The following NELL2 variants were observed in gnomAD, a reference collection of about 807,000 sequenced individuals.
NELL2 encodes the protein neural EGFL like 2.
A neutral mutation model predicts 109.6 loss-of-function variants in NELL2; 41 were observed. That is an observed-to-expected ratio of 0.37 (90% CI 0.29 to 0.49). The LOEUF is 0.49. Among genes scored for constraint, NELL2 ranks in the 20% least tolerant of loss-of-function variants. The probability of loss-of-function intolerance (pLI) is 0.98; values close to 1 mark genes in which losing one functional copy is unlikely to be tolerated. For missense variants in NELL2, 900 were observed against 1,008.3 expected, an observed-to-expected ratio of 0.89 and a Z score of 1.45; for synonymous variants, 355 against 344.7, an observed-to-expected ratio of 1.03 and a Z score of -0.33.
At chr12:44,728,688 A>G (rs577866158) in intron 9 of NELL2, among the ~76,000 whole-genome samples, 3 of 152,300 alleles carry the variant, frequency 2.0e-5, no homozygotes, top group Admixed American at 1.3e-4. Flanking sequence ...CATTATAATC[A>G]AATTTTCAAA....
chr12:44,582,359 C>G (rs534725807), intron 15 of NELL2, among the ~76,000 whole-genome samples: 8 of 152,020 alleles, frequency 5.3e-5, no homozygotes, highest in South Asian at 4.2e-4. Context: ...TACATCTGAC[C>G]CAGGCCTGGG....
chr12:44,756,233 G>A (rs1276280052), intron 9 of NELL2, among the ~76,000 whole-genome samples: 1 of 152,010 alleles, frequency 6.6e-6, no homozygotes, highest in Non-Finnish European at 1.5e-5. Flanking sequence ...ATTATGCTCT[G>A]AATCCTATGC....
intron 15 of NELL2, among the ~76,000 whole-genome samples, chr12:44,562,579 C>A (rs1240749269): frequency 6.6e-6 from 1 of 152,220 alleles, no homozygotes; most frequent in Non-Finnish European, 1.5e-5. Flanking sequence ...CTCATCATCA[C>A]TGGTCATTAG....
chr12:44,702,690 G>A (rs1365938008), intron 12 of NELL2, among the ~76,000 whole-genome samples: 1 of 152,060 alleles, frequency 6.6e-6, no homozygotes, highest in Non-Finnish European at 1.5e-5. Flanking sequence ...AATGGGGAAG[G>A]GAAGCCATAT....
At chr12:44,562,849 T>G (rs1057458702) in intron 15 of NELL2, among the ~76,000 whole-genome samples, 2 of 152,194 alleles carry the variant, frequency 1.3e-5, no homozygotes, top group Non-Finnish European at 2.9e-5. Context: ...ATTATTCTAC[T>G]ATAAAGACAC....
rs1159134863 is a variant in NELL2, at chr12:44,824,713, CT to C, written c.185-8578del. Among the ~76,000 whole-genome samples, 411 of 132,534 alleles carry C rather than the reference CT, an allele frequency of 3.1e-3. 2 individuals carry two copies. Among genetic ancestry groups the C allele is most frequent in the African/African-American group, 9.4e-3 (334 of 35,646 alleles). 86.9% of individuals were successfully genotyped at this position (132,534 alleles called of 152,430 possible). A position where few individuals can be genotyped will look rare whatever the true frequency, so the allele number is the denominator to read the frequency against. The stretch of plus-strand genomic sequence containing the variant: ...TATTTATTTATTTTTATTTTATTTA[CT>C]TTTTTTTTTTTTTTGAGACAGAGTC... On this transcript the variant is annotated intron_variant, in intron 2 of 19. Transcript: ENST00000429094.
intron 15 of NELL2, among the ~76,000 whole-genome samples, chr12:44,590,838 G>A (rs1303923564): frequency 2.0e-5 from 3 of 151,694 alleles, no homozygotes; most frequent in African/African-American, 7.3e-5. Flanking sequence ...GAGACCACCT[G>A]CAGAATGGAA....
At chr12:44,667,897 C>T (rs769600404) in intron 12 of NELL2, among the ~76,000 whole-genome samples, 25 of 152,298 alleles carry the variant, frequency 1.6e-4, no homozygotes, top group Non-Finnish European at 3.1e-4. Context: ...CCCTCACAGG[C>T]CCTGAGCCTA....
chr12:44,909,408 A>C (rs1347032179), intron 1 of NELL2, among the ~76,000 whole-genome samples: 2 of 134,700 alleles, frequency 1.5e-5, no homozygotes, highest in African/African-American at 6.5e-5. Flanking sequence ...GAGAATGACA[A>C]AAAAAAAAAT....
At chr12:44,894,795 G>T (rs888670362) in intron 1 of NELL2, among the ~76,000 whole-genome samples, 16 of 152,150 alleles carry the variant, frequency 1.1e-4, no homozygotes, top group African/African-American at 3.6e-4. Context: ...AAAATATTTT[G>T]CATTCCTTCT....
At chr12:44,573,447 A>T (rs985792771) in intron 15 of NELL2, among the ~76,000 whole-genome samples, 1 of 152,226 alleles carries the variant, frequency 6.6e-6, no homozygotes, top group African/African-American at 2.4e-5. Context: ...TACCACAAGC[A>T]CTTAATAGGA....
At chr12:44,853,856 C>A (rs1228395323) in intron 2 of NELL2, among the ~76,000 whole-genome samples, 2 of 152,170 alleles carry the variant, frequency 1.3e-5, no homozygotes, top group African/African-American at 4.8e-5. Flanking sequence ...GACATGTCCT[C>A]CTCCAAACAA....
At chr12:44,601,662 A>G (rs914494896) in intron 15 of NELL2, among the ~76,000 whole-genome samples, 50 of 152,160 alleles carry the variant, frequency 3.3e-4, no homozygotes, top group African/African-American at 1.0e-3. Flanking sequence ...TTACAGTTCA[A>G]CTTAAAATTT....
chr12:44,523,205 C>G, intron 17 of NELL2, 86 bp downstream of exon 17: 1 of 1,332,732 alleles, frequency 7.5e-7, no homozygotes, highest in Non-Finnish European at 1.1e-6. Context: ...TACACATTGT[C>G]AAAACTCATC....
rs1401165322 is a variant in NELL2, at chr12:44,815,870, G to C, written c.335+116C>G. ...CTGACCTCGTGATTTGCCCACCTCG[G>C]CTTCCCAAATCATAAAGAGATATAC... On this transcript the variant is annotated intron_variant, in intron 3 of 19. Coordinates refer to ENST00000429094, the MANE Select transcript of NELL2 (RefSeq NM_001145108.2). The C allele has an allele frequency of 2.4e-5, 28 of 1,182,670 alleles. 1 individual carries two copies. Among genetic ancestry groups the C allele is most frequent in the Non-Finnish European group, 2.9e-5 (25 of 865,670 alleles). The allele number at this position is 1,182,670 out of a possible 1,614,324, so 73.3% of individuals were successfully genotyped here.
At chr12:44,765,490 G>A (rs1297001447) in intron 9 of NELL2, among the ~76,000 whole-genome samples, 5 of 152,054 alleles carry the variant, frequency 3.3e-5, no homozygotes, top group African/African-American at 9.7e-5. Flanking sequence ...CCCTAATATA[G>A]ACAACATTCT....
At chr12:44,820,558 G>C (rs1296910636) in intron 2 of NELL2, among the ~76,000 whole-genome samples, 2 of 149,092 alleles carry the variant, frequency 1.3e-5, no homozygotes, top group African/African-American at 5.0e-5. Flanking sequence ...GCAGTGAGCC[G>C]AGATCGCGCC....
Position 44,788,926 on chromosome 12 carries a change from G to T in NELL2, c.336-8904C>A, listed in dbSNP as rs1942280587. ...CCCTAACAACCTTCATGACTCAGCA[G>T]AGGCAGCCATAATCCTCCTAGGTTC... On this transcript the variant is annotated intron_variant, in intron 3 of 19. Transcript: ENST00000429094. 3.9e-5 allele frequency among the ~76,000 whole-genome samples: 6 copies of T among 152,102 alleles called. No homozygotes were observed. The South Asian group carries it at 8.3e-4, about 21-fold the overall frequency.
intron 10 of NELL2, among the ~76,000 whole-genome samples, chr12:44,711,834 A>G (rs1938219099): frequency 6.6e-6 from 1 of 152,124 alleles, no homozygotes. Context: ...ATTCTCACAG[A>G]TGATTCTGGT....
Sources: gnomAD v4.1 joint callset for allele counts (sites outside exome capture counted in the v4.1 genomes callset) on GRCh38, gnomAD v4.1.1 for gene constraint, MANE v1.5 for transcripts, NCBI Gene and HGNC (gene_info 2026-07-23, HGNC 2026-07-21) for gene names.